Variants in INTS7 observed in about 807,000 individuals in gnomAD.
INTS7 encodes the protein integrator complex subunit 7.
INTS7 carries 46 observed loss-of-function variants against 109.2 expected under a neutral mutation model. The ratio of observed to expected loss-of-function variants is 0.42; its 90% confidence interval spans 0.33 to 0.54. The LOEUF is 0.54. Ranked by LOEUF, INTS7 falls within the 20% of genes least tolerant of loss-of-function variation. The pLI, the probability that INTS7 is intolerant of heterozygous loss-of-function variation, is 0.07. For missense variants in INTS7, 929 were observed against 1,132.4 expected (o/e 0.82, Z 2.58); for synonymous variants, 412 against 402.9 (o/e 1.02, Z -0.27).
intron 1 of INTS7, among the ~76,000 whole-genome samples, chr1:212,033,858 G>A (rs944892672): frequency 6.6e-6 from 1 of 152,082 alleles, no homozygotes; most frequent in Non-Finnish European, 1.5e-5. Flanking sequence ...CGAGGCGGAC[G>A]GATCACCTGA....
chr1:212,026,818 A>T (rs1340712767), intron 1 of INTS7, among the ~76,000 whole-genome samples: 1 of 152,220 alleles, frequency 6.6e-6, no homozygotes, highest in Non-Finnish European at 1.5e-5. Context: ...CTTGGCTGAG[A>T]TGAAAAAGGC....
At chr1:211,953,720 G>A (rs950388827) in intron 16 of INTS7, among the ~76,000 whole-genome samples, 11 of 151,422 alleles carry the variant, frequency 7.3e-5, no homozygotes, top group Admixed American at 5.3e-4. Context: ...TCCCTACAAA[G>A]GACATGAACT....
intron 1 of INTS7, among the ~76,000 whole-genome samples, chr1:212,025,199 T>C (rs1420628715): frequency 6.6e-6 from 1 of 152,198 alleles, no homozygotes; most frequent in Admixed American, 6.5e-5. Flanking sequence ...CTCAAAATCA[T>C]TATGCTGAGT....
intron 1 of INTS7, among the ~76,000 whole-genome samples, chr1:212,028,377 GTGTCT>G (rs1667018550): frequency 6.6e-6 from 1 of 152,222 alleles, no homozygotes; most frequent in Non-Finnish European, 1.5e-5. Context: ...GAAGGTAGAA[GTGTCT>G]GACCAAAGAA....
At chr1:212,019,127 T>G (rs1049669796) in intron 3 of INTS7, among the ~76,000 whole-genome samples, 2 of 152,036 alleles carry the variant, frequency 1.3e-5, no homozygotes, top group Non-Finnish European at 2.9e-5. Context: ...GGCGGGCACC[T>G]ACAATCCCAG....
intron 12 of INTS7, 150 bp downstream of exon 12, chr1:211,976,432 A>G: frequency 1.6e-6 from 1 of 628,550 alleles, no homozygotes; most frequent in Non-Finnish European, 2.7e-6. Flanking sequence ...GTTAAAAATC[A>G]GGTCCTTTCC....
chr1:212,025,268 A>C (rs1666868867), intron 1 of INTS7, among the ~76,000 whole-genome samples: 1 of 152,204 alleles, frequency 6.6e-6, no homozygotes, highest in African/African-American at 2.4e-5. Context: ...ATTTTATATG[A>C]CATTATGGAA....
intron 7 of INTS7, among the ~76,000 whole-genome samples, chr1:212,002,473 C>G (rs556200169): frequency 6.6e-6 from 1 of 152,314 alleles, no homozygotes; most frequent in East Asian, 1.9e-4. Context: ...CTCAAAGGCC[C>G]TAAATGCCTA....
chr1:211,974,308 T>TATATATATATATATATATATATAA (rs1179528621), intron 13 of INTS7, among the ~76,000 whole-genome samples: 1 of 143,744 alleles, frequency 7.0e-6, no homozygotes, highest in Non-Finnish European at 1.5e-5. Flanking sequence ...TATATATATA[T>TATATATATATATATATATATATAA]AAAATACTTC....
At position 212,035,511 on chromosome 1, in the gene INTS7, C is replaced by T; in HGVS notation, c.-74G>A. The T allele has an allele frequency of 8.8e-7, 1 of 1,132,414 alleles. No individual in the cohort carries two copies. The highest frequency in any genetic ancestry group is 1.3e-6 in the Non-Finnish European group (1 of 744,920). 70.1% of individuals were successfully genotyped at this position (1,132,414 alleles called of 1,614,324 possible). A position where few individuals can be genotyped will look rare whatever the true frequency, so the allele number is the denominator to read the frequency against. ...ACCCCAGGACCGCCATCTTCCCCCG[C>T]CGCCTTCTTGCTGGTTTTTCTTCCG... On this transcript the variant is annotated 5_prime_UTR_variant, in exon 1 of 20. Coordinates refer to ENST00000366994, the MANE Select transcript of INTS7 (RefSeq NM_015434.4).
chr1:212,021,279 A>C (rs532362664), intron 1 of INTS7, 67 bp from the exon 2 acceptor site: 3 of 1,368,818 alleles, frequency 2.2e-6, no homozygotes, highest in Non-Finnish European at 3.0e-6. Context: ...AAGCAAAAAT[A>C]GCAAATATAA....
rs920240597 is a variant in INTS7, at chr1:211,946,059, T to C, written c.2415+548A>G. ...TGAGAGACAAACAACAGAGCTCCAG[T>C]TACCCAAATGCCTGTCTCATAGAAT... On this transcript the variant is annotated intron_variant, in intron 18 of 19. Coordinates refer to ENST00000366994, the MANE Select transcript of INTS7 (RefSeq NM_015434.4). The surrounding 1 kb of genome is among the most constrained non-coding windows in gnomAD (Gnocchi z 4.3). Among the ~76,000 whole-genome samples the C allele has an allele frequency of 3.3e-5, 5 of 152,184 alleles. No individual in the cohort carries two copies. The highest frequency in any genetic ancestry group is 4.8e-5 in the African/African-American group (2 of 41,444).
At chr1:212,011,507 G>T in intron 4 of INTS7, 86 bp from the exon 5 acceptor site, 1 of 843,440 alleles carries the variant, frequency 1.2e-6, no homozygotes, top group Non-Finnish European at 1.9e-6. Context: ...CACAATTAGC[G>T]CAGAAGAAAT....
intron 1 of INTS7, among the ~76,000 whole-genome samples, chr1:212,022,645 G>A (rs2102493426): frequency 6.6e-6 from 1 of 152,278 alleles, no homozygotes; most frequent in South Asian, 2.1e-4. Context: ...AATGTCAAGT[G>A]CTAATGAGGA....
intron 16 of INTS7, among the ~76,000 whole-genome samples, chr1:211,961,059 C>T (rs183285232): frequency 6.6e-6 from 1 of 150,864 alleles, no homozygotes; most frequent in South Asian, 2.1e-4. Context: ...AAGGAATGAA[C>T]AAAACCTCCG....
chr1:211,952,151 C>T (rs541945764), intron 17 of INTS7, among the ~76,000 whole-genome samples: 1 of 152,302 alleles, frequency 6.6e-6, no homozygotes, highest in South Asian at 2.1e-4. Context: ...GTGTGTAAAA[C>T]TACTAATGCC....
intron 3 of INTS7, among the ~76,000 whole-genome samples, chr1:212,018,516 C>A (rs1389000588): frequency 3.2e-5 from 4 of 126,726 alleles, no homozygotes; most frequent in African/African-American, 8.8e-5. Flanking sequence ...AAAAAAAAAA[C>A]CATGTTTGTG....
intron 19 of INTS7, 46 bp downstream of exon 19, chr1:211,944,738 G>A (rs1042480312): frequency 6.8e-7 from 1 of 1,463,490 alleles, no homozygotes; most frequent in Admixed American, 1.7e-5. Context: ...CCATCAATGA[G>A]CTCATATAAA....
At position 211,941,924 on chromosome 1, in the gene INTS7, G is replaced by C; in HGVS notation, c.2789C>G (p.Ser930Cys). The C allele has an allele frequency of 6.2e-7, 1 of 1,614,168 alleles. No homozygotes were observed. Among genetic ancestry groups the C allele is most frequent in the Non-Finnish European group, 8.5e-7 (1 of 1,180,026 alleles). The change falls in exon 20 of 20, where the codon TCC (serine) becomes TGC (cysteine). Residue 930 changes from serine (S) to cysteine (C), a missense_variant. By Grantham distance (112) the Ser-to-Cys change is moderately radical. Around this residue, in one of 2 missense-constraint regions of INTS7, gnomAD observed 787 missense variants for 901.1 expected, o/e 0.87. Coordinates refer to ENST00000366994, the MANE Select transcript of INTS7 (RefSeq NM_015434.4). ...TTGCTGGGAATAAGGGTCTTCCAGGGATTTTACAAATATGGTAGTTCTGGG... is the reference window on the plus strand; with the variant it reads ...TTGCTGGGAATAAGGGTCTTCCAGGCATTTTACAAATATGGTAGTTCTGGG... ...TGPRTTIFVK[S>C]LEDPYSQQIR...
Sources: gnomAD v4.1 joint callset for allele counts (sites outside exome capture counted in the v4.1 genomes callset) on GRCh38, gnomAD v4.1.1 for gene constraint, gnomAD v4.1.1 regional missense constraint, Gnocchi (gnomAD v3.1) non-coding constraint, MANE v1.5 for transcripts, NCBI Gene and HGNC (gene_info 2026-07-23, HGNC 2026-07-21) for gene names.